Variants in MDGA2 observed in about 807,000 individuals in gnomAD.
The protein encoded by MDGA2 is MAM domain-containing glycosylphosphatidylinositol anchor protein 2.
A neutral mutation model predicts 117.8 loss-of-function variants in MDGA2; 40 were observed. That is an observed-to-expected ratio of 0.34 (90% CI 0.26 to 0.44). MDGA2 has a LOEUF of 0.44. Ranked by LOEUF, MDGA2 falls within the 20% of genes least tolerant of loss-of-function variation. MDGA2 has a pLI of 1.00. For synonymous variants in MDGA2, 452 were observed against 439.0 expected (o/e 1.03, Z -0.37); for missense variants, 1,123 against 1,250.6 (o/e 0.90, Z 1.54).
chr14:47,038,805 G>A (rs1888955357), intron 7 of MDGA2, among the ~76,000 whole-genome samples: 1 of 151,754 alleles, frequency 6.6e-6, no homozygotes. Flanking sequence ...AGTCGGGCGT[G>A]GCAGTGGGCG....
At chr14:46,862,693 C>T (rs1881561309) in intron 14 of MDGA2, among the ~76,000 whole-genome samples, 1 of 151,940 alleles carries the variant, frequency 6.6e-6, no homozygotes, top group African/African-American at 2.4e-5. Flanking sequence ...ATCAGTAACA[C>T]AGACTTACTG....
chr14:47,209,854 G>A (rs184692552), intron 3 of MDGA2, among the ~76,000 whole-genome samples: 12 of 152,260 alleles, frequency 7.9e-5, no homozygotes, highest in African/African-American at 2.9e-4. Context: ...ACATTATTAA[G>A]ACCTTCCAAA....
At chr14:47,149,614 C>G (rs926959525) in intron 3 of MDGA2, among the ~76,000 whole-genome samples, 1 of 152,194 alleles carries the variant, frequency 6.6e-6, no homozygotes, top group Non-Finnish European at 1.5e-5. Context: ...AGCATTCCCA[C>G]TTCTCTGAGT....
At position 47,490,263 on chromosome 14, in the gene MDGA2, T is replaced by C. The variant is rs576291393; in HGVS notation, c.280+184254A>G. On this transcript the variant is annotated intron_variant, in intron 1 of 16. Transcript: ENST00000399232. The stretch of plus-strand genomic sequence containing the variant: ...TATTTATTCAAAATCACTTTCTTAC[T>C]TGCAGAAAAGTTGAACTCTACTGAC... Among the ~76,000 whole-genome samples, 4 of 152,234 alleles carry C rather than the reference T, an allele frequency of 2.6e-5. No homozygotes were observed. The East Asian group carries it at 7.7e-4, about 29-fold the overall frequency.
At chr14:47,524,580 T>C (rs867313024) in intron 1 of MDGA2, among the ~76,000 whole-genome samples, 1 of 152,206 alleles carries the variant, frequency 6.6e-6, no homozygotes, top group Middle Eastern at 3.2e-3. Flanking sequence ...ATCTCCTCTG[T>C]AAAAAGGAAT....
Position 47,194,750 on chromosome 14 carries a change from CTCTCTCTCACTCTCTCTT to C in MDGA2, c.595+23253_595+23270del, listed in dbSNP as rs773726197. Reference sequence around the variant, plus strand: ...TAGGAAGTTAGGTGAATCTCACTCTCTCTCTCTCACTCTCTCTTTCTCTCTCACTCTCTCTTTCTCTCT... The same window carrying C: ...TAGGAAGTTAGGTGAATCTCACTCTCTCTCTCTCACTCTCTCTTTCTCTCT... On this transcript the variant is annotated intron_variant, in intron 3 of 16. Coordinates refer to ENST00000399232, the MANE Select transcript of MDGA2 (RefSeq NM_001113498.3). Among the ~76,000 whole-genome samples, 26 of 151,988 alleles carry C rather than the reference CTCTCTCTCACTCTCTCTT, an allele frequency of 1.7e-4. No individual in the cohort carries two copies. In the South Asian group the frequency reaches 2.5e-3, roughly 15 times the overall value.
At chr14:46,982,281 A>T (rs1033334080) in intron 8 of MDGA2, among the ~76,000 whole-genome samples, 4 of 152,204 alleles carry the variant, frequency 2.6e-5, no homozygotes, top group African/African-American at 9.7e-5. Context: ...TAAATTATTA[A>T]AATAGTATTA....
At chr14:47,348,358 T>C (rs1890806203) in intron 1 of MDGA2, among the ~76,000 whole-genome samples, 1 of 151,930 alleles carries the variant, frequency 6.6e-6, no homozygotes, top group African/African-American at 2.4e-5. Flanking sequence ...ATTACAGGCG[T>C]GTGACACCAC....
intron 8 of MDGA2, among the ~76,000 whole-genome samples, chr14:47,028,015 C>A (rs1358878994): frequency 6.6e-6 from 1 of 151,884 alleles, no homozygotes; most frequent in East Asian, 1.9e-4. Context: ...ATTGTTTCTT[C>A]TTTTTTAAGA....
chr14:47,126,945 T>G (rs1477769977), intron 5 of MDGA2, among the ~76,000 whole-genome samples: 1 of 152,130 alleles, frequency 6.6e-6, no homozygotes, highest in Non-Finnish European at 1.5e-5. Flanking sequence ...TGACTGCAAT[T>G]AAAAAGTTGA....
chr14:46,919,425 G>A (rs1008588090), intron 10 of MDGA2, among the ~76,000 whole-genome samples: 21 of 152,212 alleles, frequency 1.4e-4, no homozygotes, highest in South Asian at 2.1e-4. Flanking sequence ...CAAAGGATAC[G>A]TGAATTTAAC....
chr14:47,283,055 A>T (rs1473147937), intron 2 of MDGA2, among the ~76,000 whole-genome samples: 3 of 152,244 alleles, frequency 2.0e-5, no homozygotes, highest in Non-Finnish European at 4.4e-5. Flanking sequence ...GTCATCACAT[A>T]TCAAAGGTCT....
intron 1 of MDGA2, among the ~76,000 whole-genome samples, chr14:47,493,038 C>A (rs575922023): frequency 6.6e-6 from 1 of 151,878 alleles, no homozygotes; most frequent in South Asian, 2.1e-4. Context: ...AAAAATCATT[C>A]TAATAATACT....
Position 47,674,649 on chromosome 14 carries a change from C to T in MDGA2, c.148G>A (p.Gly50Ser), listed in dbSNP as rs78711719. The change falls in exon 1 of 17, where the codon GGC becomes AGC. Residue 50 changes from glycine (G) to serine (S), a missense_variant. This residue lies in a region of MDGA2 where 233 missense variants were observed against 200.3 expected (regional missense o/e 1.16). Coordinates refer to ENST00000399232, the MANE Select transcript of MDGA2 (RefSeq NM_001113498.3). ...GTACGCAACGGGACCTTCAGGAGGC[C>T]GGCGGCCAGCCAGGCGCGCTCCACT... The part of the protein sequence containing the change: ...ARVERAWLAA[G>S]LLKVPLRTPW... 20,354 of 1,488,842 alleles carry T rather than the reference C, an allele frequency of 0.014. 1,581 individuals carry two copies. The East Asian group carries it at 0.23, about 17-fold the overall frequency. The allele number at this position is 1,488,842 out of a possible 1,614,324, so 92.2% of individuals were successfully genotyped here.
chr14:47,492,879 G>T (rs1894201035), intron 1 of MDGA2, among the ~76,000 whole-genome samples: 1 of 151,992 alleles, frequency 6.6e-6, no homozygotes, highest in African/African-American at 2.4e-5. Context: ...ATAATTCAAG[G>T]TGAGACAGTT....
At chr14:47,343,121 C>T (rs753875453) in intron 1 of MDGA2, 171 of 1,228,256 alleles carry the variant, frequency 1.4e-4, no homozygotes, top group Non-Finnish European at 1.7e-4. Context: ...ATGCTCGAGG[C>T]ACACAATAAT....
chr14:47,644,899 T>C (rs1594959890), intron 1 of MDGA2, among the ~76,000 whole-genome samples: 1 of 152,004 alleles, frequency 6.6e-6, no homozygotes, highest in East Asian at 1.9e-4. Context: ...AATAATTAGG[T>C]GGGAGTTTCA....
chr14:47,227,433 T>A (rs1199370029), intron 2 of MDGA2, among the ~76,000 whole-genome samples: 1 of 152,164 alleles, frequency 6.6e-6, no homozygotes, highest in Non-Finnish European at 1.5e-5. Context: ...CTCAGCTTCC[T>A]CCCTTTCCTC....
At chr14:47,265,747 G>C (rs1312431252) in intron 2 of MDGA2, among the ~76,000 whole-genome samples, 1 of 152,030 alleles carries the variant, frequency 6.6e-6, no homozygotes, top group Non-Finnish European at 1.5e-5. Context: ...ACTGTAAGGA[G>C]TGGTGACATT....
Sources: allele counts gnomAD v4.1 joint callset (sites outside exome capture counted in the v4.1 genomes callset), GRCh38; gene constraint gnomAD v4.1.1; regional missense constraint gnomAD v4.1.1; transcripts MANE v1.5; gene names NCBI Gene and HGNC (gene_info 2026-07-23, HGNC 2026-07-21).